Variants in SDK1 observed in about 807,000 individuals in gnomAD.
SDK1 encodes the protein protein sidekick-1.
SDK1 carries 157 observed loss-of-function variants against 245.5 expected under a neutral mutation model. The ratio of observed to expected loss-of-function variants is 0.64; its 90% CI spans 0.56 to 0.73. The LOEUF (loss-of-function observed/expected upper bound fraction) is 0.73, where lower values mean the gene tolerates loss of function less well. SDK1 is among the 30% of genes least tolerant of loss of function. The probability of loss-of-function intolerance (pLI) is 0.00; values close to 1 mark genes in which losing one functional copy is unlikely to be tolerated. For missense variants in SDK1, 3,583 were observed against 3,002.3 expected (o/e 1.19, Z -4.52); for synonymous variants, 1,647 against 1,278.5 (o/e 1.29, Z -6.15).
chr7:3,412,038 G>A (rs1379067993), intron 1 of SDK1, among the ~76,000 whole-genome samples: 1 of 152,194 alleles, frequency 6.6e-6, no homozygotes, highest in East Asian at 1.9e-4. Flanking sequence ...GAAAGGGAAA[G>A]AGGACATTGC....
chr7:3,557,152 C>G (rs1779614260), intron 1 of SDK1, among the ~76,000 whole-genome samples: 1 of 151,712 alleles, frequency 6.6e-6, no homozygotes. Context: ...GAAAAAAAAT[C>G]AATGTATCAA....
At chr7:3,943,826 G>T (rs1487207069) in intron 5 of SDK1, among the ~76,000 whole-genome samples, 3 of 152,104 alleles carry the variant, frequency 2.0e-5, no homozygotes, top group Non-Finnish European at 4.4e-5. Context: ...GGTTCATGTG[G>T]GGGAAATTGA....
At chr7:3,569,097 A>G (rs1270643010) in intron 1 of SDK1, among the ~76,000 whole-genome samples, 2 of 145,424 alleles carry the variant, frequency 1.4e-5, no homozygotes, top group Admixed American at 6.9e-5. Flanking sequence ...GTATTTTTTT[A>G]TATTTACTCA....
At position 4,079,534 on chromosome 7, in the gene SDK1, C is replaced by T. The variant is rs201916227; in HGVS notation, c.3274C>T (p.Pro1092Ser). ...TCGCTCCGCCACCCTTCAGTTCCGG[C>T]CAGGCTATGACGGGAAAACGTCCAT... ...SPRSATLQFR[P>S]GYDGKTSISR... Residue 1092 changes from proline to serine, a missense_variant, in exon 22 of 45, where the codon CCA becomes TCA. Coordinates refer to ENST00000404826, the MANE Select transcript of SDK1 (RefSeq NM_152744.4). 9.3e-6 allele frequency: 15 copies of T among 1,614,236 alleles called. No homozygotes were observed. The highest frequency in any genetic ancestry group is 9.3e-6 in the Non-Finnish European group (11 of 1,180,050).
At chr7:4,208,342 C>A in intron 37 of SDK1, 57 bp downstream of exon 37, 2 of 1,527,622 alleles carry the variant, frequency 1.3e-6, no homozygotes, top group South Asian at 1.2e-5. Context: ...GTTTTGAGAG[C>A]GCCAGCTCAG....
At chr7:4,007,559 G>A (rs1051362856) in intron 14 of SDK1, among the ~76,000 whole-genome samples, 19 of 152,056 alleles carry the variant, frequency 1.2e-4, no homozygotes, top group African/African-American at 3.4e-4. Context: ...TTTCATACTC[G>A]GGGAGTCTTG....
chr7:4,167,663 G>C (rs1049109661), intron 32 of SDK1, among the ~76,000 whole-genome samples: 1 of 152,222 alleles, frequency 6.6e-6, no homozygotes, highest in African/African-American at 2.4e-5. Flanking sequence ...GCTGAGGCCT[G>C]GCCCAGGTGC....
chr7:3,320,066 G>T (rs940978338), intron 1 of SDK1, among the ~76,000 whole-genome samples: 1 of 151,608 alleles, frequency 6.6e-6, no homozygotes, highest in African/African-American at 2.4e-5. Flanking sequence ...TTTTGAAATT[G>T]TTCTCCCCAA....
intron 5 of SDK1, among the ~76,000 whole-genome samples, chr7:3,836,085 A>T (rs1214410713): frequency 6.6e-6 from 1 of 152,244 alleles, no homozygotes; most frequent in Non-Finnish European, 1.5e-5. Context: ...AAATCAGTCA[A>T]ATTACAGCTT....
At chr7:3,682,876 C>A (rs964784770) in intron 4 of SDK1, among the ~76,000 whole-genome samples, 1 of 152,006 alleles carries the variant, frequency 6.6e-6, no homozygotes. Flanking sequence ...GTAGCTGGGA[C>A]TACAGGGGCC....
At chr7:4,197,332 G>GAAAC (rs1783643937) in intron 35 of SDK1, among the ~76,000 whole-genome samples, 1 of 151,598 alleles carries the variant, frequency 6.6e-6, no homozygotes, top group Non-Finnish European at 1.5e-5. Context: ...AAGAAAGAAA[G>GAAAC]AAACAATTAG....
At chr7:3,573,388 C>T (rs1780178103) in intron 1 of SDK1, among the ~76,000 whole-genome samples, 1 of 152,090 alleles carries the variant, frequency 6.6e-6, no homozygotes, top group Non-Finnish European at 1.5e-5. Context: ...CCCTTCTCTG[C>T]TGGGCCAGCC....
At chr7:4,046,534 A>G (rs1170761107) in intron 17 of SDK1, among the ~76,000 whole-genome samples, 1 of 152,168 alleles carries the variant, frequency 6.6e-6, no homozygotes, top group African/African-American at 2.4e-5. Flanking sequence ...TGAATGTCTA[A>G]TATTTCCAGC....
rs1789492940 is a variant in SDK1 at position 4,051,701 on chromosome 7, C to G, written c.2782C>G (p.His928Asp). 1 of 1,613,584 alleles carries G rather than the reference C, an allele frequency of 6.2e-7. No homozygotes were observed. The highest frequency in any genetic ancestry group is 1.3e-5 in the African/African-American group (1 of 74,890). The change falls in exon 19 of 45, where the codon CAC (histidine) becomes GAC (aspartate). Residue 928 changes from histidine to aspartate, a missense_variant. Physicochemically the swap from His to Asp is moderately conservative, Grantham distance 81. Coordinates refer to ENST00000404826, the MANE Select transcript of SDK1 (RefSeq NM_152744.4). Reference protein sequence around the residue: ...VTVVTIAPDFHGVHHGHITNL... With the variant: ...VTVVTIAPDFDGVHHGHITNL... ...TGTGGTCACTATTGCCCCAGATTTCCACGGAGTCCACCATGGACACATAAC... is the reference window on the plus strand; with the variant it reads ...TGTGGTCACTATTGCCCCAGATTTCGACGGAGTCCACCATGGACACATAAC...
intron 1 of SDK1, among the ~76,000 whole-genome samples, chr7:3,390,565 C>A (rs2128569977): frequency 6.6e-6 from 1 of 152,290 alleles, no homozygotes; most frequent in African/African-American, 2.4e-5. Context: ...AAGATGAGGT[C>A]ATACAGGATT....
chr7:3,608,211 CAAAT>C (rs964782925), intron 1 of SDK1, among the ~76,000 whole-genome samples: 6 of 152,256 alleles, frequency 3.9e-5, no homozygotes, highest in South Asian at 4.1e-4. Context: ...AGCTTTGACT[CAAAT>C]AAAATTATTA....
rs146297222 is a variant in SDK1, at chr7:3,953,358, G to A, written c.1150+1438G>A. ...GTCCCTCTGAAAGAAGCGAAAGTCT[G>A]TTAAAAGCATCCAAGGAAGCCGGCT... On this transcript the variant is annotated intron_variant, in intron 7 of 44. Transcript: ENST00000404826. 5.7e-4 allele frequency among the ~76,000 whole-genome samples: 87 copies of A among 152,320 alleles called. No individual in the cohort carries two copies. In the East Asian group the frequency reaches 0.016, roughly 28 times the overall value.
At position 3,674,674 on chromosome 7, in the gene SDK1, A is replaced by G. The variant is rs181109322; in HGVS notation, c.713+32569A>G. On this transcript the variant is annotated intron_variant, in intron 4 of 44. Coordinates refer to ENST00000404826, the MANE Select transcript of SDK1 (RefSeq NM_152744.4). ...GCAGTGATGTGTTGTTCAGTGTTTGATAACTATAACTGGCTCTTGGCAGGG... is the reference window on the plus strand; with the variant it reads ...GCAGTGATGTGTTGTTCAGTGTTTGGTAACTATAACTGGCTCTTGGCAGGG... Among the ~76,000 whole-genome samples, 289 of 152,274 alleles carry G rather than the reference A, an allele frequency of 1.9e-3. 4 individuals are homozygous for G. The highest frequency in any genetic ancestry group is 6.8e-3 in the African/African-American group (283 of 41,552).
At chr7:4,057,982 A>T (rs1779303334) in intron 19 of SDK1, among the ~76,000 whole-genome samples, 1 of 152,240 alleles carries the variant, frequency 6.6e-6, no homozygotes, top group Admixed American at 6.5e-5. Context: ...CAACATAAGG[A>T]CACAAGAAAT....
Sources: allele counts gnomAD v4.1 joint callset (sites outside exome capture counted in the v4.1 genomes callset), GRCh38; gene constraint gnomAD v4.1.1; transcripts MANE v1.5; gene names NCBI Gene and HGNC (gene_info 2026-07-23, HGNC 2026-07-21).